Variants in BCAS3 observed in about 807,000 individuals in gnomAD.
BCAS3 encodes BCAS3 microtubule associated cell migration factor.
BCAS3 carries 53 observed loss-of-function variants against 116.1 expected under a neutral mutation model. The observed-to-expected ratio is 0.46, with a 90% CI of 0.37 to 0.57. BCAS3 has a LOEUF of 0.57. Among genes scored for constraint, BCAS3 ranks in the 20% least tolerant of loss-of-function variants. The probability of loss-of-function intolerance (pLI) is 0.00; values close to 1 mark genes in which losing one functional copy is unlikely to be tolerated. For synonymous variants in BCAS3, 391 were observed against 408.2 expected, an observed-to-expected ratio of 0.96 and a Z score of 0.51; for missense variants, 917 against 1,165.4, an observed-to-expected ratio of 0.79 and a Z score of 3.10.
intron 22 of BCAS3, among the ~76,000 whole-genome samples, chr17:61,289,667 A>G (rs912224749): frequency 6.6e-6 from 1 of 152,208 alleles, no homozygotes; most frequent in African/African-American, 2.4e-5. Flanking sequence ...GCACTGCTTA[A>G]TGTCAAAGCC....
Position 61,363,055 on chromosome 17 carries a change from T to C in BCAS3, c.2426-5272T>C, listed in dbSNP as rs1305991585. ...CAAAGTTCGGTGCCTATTTTCATTA[T>C]GGAGGAATTCATGCCCTCGGGAGCT... On this transcript the variant is annotated intron_variant, in intron 22 of 23. Coordinates refer to ENST00000407086, the MANE Select transcript of BCAS3 (RefSeq NM_017679.5). This position sits in a 1 kb window ranked among gnomAD's most constrained non-coding sequence, Gnocchi z 4.9. Among the ~76,000 whole-genome samples, 6 of 152,226 alleles carry C rather than the reference T, an allele frequency of 3.9e-5. No individual in the cohort carries two copies. The highest frequency in any genetic ancestry group is 8.8e-5 in the Non-Finnish European group (6 of 68,040).
rs1332653251 is a variant in BCAS3 at position 61,315,372 on chromosome 17, G to T, written c.2426-52955G>T. Among the ~76,000 whole-genome samples, 1 of 152,166 alleles carries T rather than the reference G, an allele frequency of 6.6e-6. No individual in the cohort carries two copies. Among genetic ancestry groups the T allele is most frequent in the East Asian group, 1.9e-4 (1 of 5,190 alleles). On this transcript the variant is annotated intron_variant, in intron 22 of 23. Coordinates refer to ENST00000407086, the MANE Select transcript of BCAS3 (RefSeq NM_017679.5). The surrounding 1 kb of genome is among the most constrained non-coding windows in gnomAD (Gnocchi z 5.3). ...GACCTCAGGTGATCCGGCCGCCTCA[G>T]CCTCCCAAAGTGCTGGGATTACAGG... is the stretch of plus-strand genomic sequence containing the variant.
chr17:60,728,258 A>G (rs949641641), intron 5 of BCAS3, among the ~76,000 whole-genome samples: 1 of 152,008 alleles, frequency 6.6e-6, no homozygotes, highest in Admixed American at 6.6e-5. Flanking sequence ...AGCCCTGGGC[A>G]CCCCTGATCT....
At position 60,928,548 on chromosome 17, in the gene BCAS3, G is replaced by A. The variant is rs569107593; in HGVS notation, c.1087+4048G>A. On this transcript the variant is annotated intron_variant, in intron 13 of 23. Coordinates refer to ENST00000407086, the MANE Select transcript of BCAS3 (RefSeq NM_017679.5). ...TTATAACTCAGCAACCACTCATACA[G>A]TTGGTTTGCACAATGCTTTATAGTA... Among the ~76,000 whole-genome samples the A allele has an allele frequency of 1.1e-4, 17 of 152,322 alleles. No individual in the cohort carries two copies. The East Asian group carries it at 3.3e-3, about 29-fold the overall frequency.
chr17:60,706,102 GC>G, intron 4 of BCAS3, among the ~76,000 whole-genome samples: 1 of 152,010 alleles, frequency 6.6e-6, no homozygotes, highest in South Asian at 2.1e-4. Context: ...CGCTGTTGTT[GC>G]CCAGGCTGGA....
intron 9 of BCAS3, among the ~76,000 whole-genome samples, chr17:60,876,776 T>C (rs2055648429): frequency 6.6e-6 from 1 of 152,162 alleles, no homozygotes; most frequent in African/African-American, 2.4e-5. Context: ...GTATACATTT[T>C]CTATCTGTTT....
Position 61,229,302 on chromosome 17 carries a change from G to A in BCAS3, c.2426-139025G>A, listed in dbSNP as rs764324122. ...GTTTGAAGCTAACAGAGGTTGGTTC[G>A]TGAGGTTAAGGAAAGAAGCTATTTG... On this transcript the variant is annotated intron_variant, in intron 22 of 23. Transcript: ENST00000407086. The surrounding 1 kb of genome is among the most constrained non-coding windows in gnomAD (Gnocchi z 4.4). Among the ~76,000 whole-genome samples the A allele has an allele frequency of 4.6e-5, 7 of 152,316 alleles. No individual in the cohort carries two copies. The highest frequency in any genetic ancestry group is 3.9e-4 in the East Asian group (2 of 5,186).
In BCAS3 at chr17:61,326,976, A is replaced by T. The variant is rs1177237239; in HGVS notation, c.2426-41351A>T. ...AAATAGTAGAAGGAAAAATATTTTTAAAGGAAATATAAAAGGGCAATAAAA... is the reference window on the plus strand; with the variant it reads ...AAATAGTAGAAGGAAAAATATTTTTTAAGGAAATATAAAAGGGCAATAAAA... On this transcript the variant is annotated intron_variant, in intron 22 of 23. Coordinates refer to ENST00000407086, the MANE Select transcript of BCAS3 (RefSeq NM_017679.5). This position sits in a 1 kb window ranked among gnomAD's most constrained non-coding sequence, Gnocchi z 5.3. 6.6e-6 allele frequency among the ~76,000 whole-genome samples: 1 copy of T among 152,222 alleles called. No individual in the cohort carries two copies. Among genetic ancestry groups the T allele is most frequent in the Admixed American group, 6.5e-5 (1 of 15,282 alleles).
intron 19 of BCAS3, among the ~76,000 whole-genome samples, chr17:61,047,422 G>A (rs1418308534): frequency 1.3e-5 from 2 of 151,940 alleles, no homozygotes; most frequent in Non-Finnish European, 2.9e-5. Flanking sequence ...TAAATATATA[G>A]ATGGTAATCT....
At chr17:60,711,147 G>C (rs1482675317) in intron 5 of BCAS3, among the ~76,000 whole-genome samples, 1 of 143,246 alleles carries the variant, frequency 7.0e-6, no homozygotes, top group Non-Finnish European at 1.5e-5. Context: ...CTAAGATGTG[G>C]GATTTTTTTT....
chr17:60,944,682 G>A (rs1012751168), intron 13 of BCAS3, among the ~76,000 whole-genome samples: 23 of 151,974 alleles, frequency 1.5e-4, no homozygotes, highest in African/African-American at 5.3e-4. Flanking sequence ...TTGACCAAAC[G>A]AGGCTTATCC....
intron 22 of BCAS3, among the ~76,000 whole-genome samples, chr17:61,159,986 C>A (rs2078071593): frequency 1.0e-5 from 1 of 98,908 alleles, no homozygotes; most frequent in Non-Finnish European, 2.2e-5. Context: ...ATGTGGTTGG[C>A]ATCTTTGATT....
intron 4 of BCAS3, among the ~76,000 whole-genome samples, chr17:60,700,134 A>G (rs1314158245): frequency 2.0e-5 from 3 of 149,666 alleles, no homozygotes; most frequent in Non-Finnish European, 4.4e-5. Context: ...TGTTTGTGTC[A>G]TTGTACTCCA....
chr17:61,225,948 A>G (rs1183481953), intron 22 of BCAS3, among the ~76,000 whole-genome samples: 4 of 152,238 alleles, frequency 2.6e-5, no homozygotes, highest in African/African-American at 4.8e-5. Flanking sequence ...TATGGAAACA[A>G]TACTGTTTTC....
At chr17:60,784,581 G>A (rs555319151) in intron 6 of BCAS3, among the ~76,000 whole-genome samples, 101 of 147,486 alleles carry the variant, frequency 6.8e-4, no homozygotes, top group African/African-American at 2.4e-3. Context: ...GGGATTACAG[G>A]CGTGAGCCAC....
At chr17:60,784,297 ATTTTTTT>A (rs777660468) in intron 6 of BCAS3, among the ~76,000 whole-genome samples, 552 of 114,832 alleles carry the variant, frequency 4.8e-3, no homozygotes, top group Non-Finnish European at 7.2e-3. Context: ...AATGAAACAA[ATTTTTTT>A]TTTTTTTTTT....
intron 10 of BCAS3, among the ~76,000 whole-genome samples, chr17:60,890,499 G>T (rs2057072178): frequency 2.0e-5 from 3 of 151,822 alleles, no homozygotes; most frequent in South Asian, 4.2e-4. Context: ...TTAACTATAT[G>T]CTAACAACTA....
At chr17:60,798,711 A>G (rs1306607801) in intron 6 of BCAS3, among the ~76,000 whole-genome samples, 3 of 152,228 alleles carry the variant, frequency 2.0e-5, no homozygotes, top group African/African-American at 7.2e-5. Flanking sequence ...AAGGAGTGTG[A>G]TTTCAGCATT....
At chr17:60,806,555 C>CTT (rs536450898) in intron 6 of BCAS3, among the ~76,000 whole-genome samples, 24 of 142,622 alleles carry the variant, frequency 1.7e-4, no homozygotes, top group African/African-American at 5.1e-4. Context: ...TCTTCTTAAT[C>CTT]TTTTTTTTTT....
Sources: gnomAD v4.1 joint callset for allele counts (sites outside exome capture counted in the v4.1 genomes callset) on GRCh38, gnomAD v4.1.1 for gene constraint, Gnocchi (gnomAD v3.1) non-coding constraint, MANE v1.5 for transcripts, NCBI Gene and HGNC (gene_info 2026-07-23, HGNC 2026-07-21) for gene names.